The following SNX30 variants were observed in gnomAD, a reference collection of about 807,000 sequenced individuals.
SNX30 encodes sorting nexin-30.
Under a neutral mutation model 46.4 loss-of-function variants are expected in SNX30, and 24 were observed. That is an observed-to-expected ratio of 0.52 (90% CI 0.37 to 0.73). The LOEUF is 0.73. Among genes scored for constraint, SNX30 ranks in the 30% least tolerant of loss-of-function variants. SNX30 has a pLI of 0.00. For missense variants in SNX30, 533 were observed against 555.7 expected (o/e 0.96, Z 0.41); for synonymous variants, 189 against 211.5 (o/e 0.89, Z 0.92).
intron 7 of SNX30, among the ~76,000 whole-genome samples, chr9:112,861,394 T>A (rs1436025278): frequency 2.6e-5 from 4 of 152,202 alleles, no homozygotes; most frequent in Non-Finnish European, 5.9e-5. Flanking sequence ...CATATTAGCC[T>A]GTCTGGCCTC....
At chr9:112,790,134 C>T (rs1839996580) in intron 1 of SNX30, among the ~76,000 whole-genome samples, 1 of 152,120 alleles carries the variant, frequency 6.6e-6, no homozygotes, top group Admixed American at 6.5e-5. Flanking sequence ...ACTGAACTTC[C>T]TACTAATAAG....
chr9:112,885,279 C>T (rs1304563804), downstream of SNX30: 1 of 151,948 alleles, frequency 6.6e-6, no homozygotes, highest in Non-Finnish European at 1.5e-5. Context: ...TATCACTGTC[C>T]CCTTGAACAA....
intron 7 of SNX30, among the ~76,000 whole-genome samples, chr9:112,855,619 C>T (rs187153560): frequency 6.6e-6 from 1 of 152,038 alleles, no homozygotes; most frequent in Admixed American, 6.5e-5. Context: ...GGAAAGAGCA[C>T]GTGCTGAGGG....
chr9:112,815,739 A>T (rs564192870), intron 2 of SNX30, among the ~76,000 whole-genome samples: 4 of 152,332 alleles, frequency 2.6e-5, no homozygotes, highest in Admixed American at 1.3e-4. Flanking sequence ...AGTTGCTTTA[A>T]TTTGTCACCT....
chr9:112,780,847 T>A (rs763148813), intron 1 of SNX30, among the ~76,000 whole-genome samples: 1 of 152,212 alleles, frequency 6.6e-6, no homozygotes, highest in Non-Finnish European at 1.5e-5. Context: ...AACAAATGGA[T>A]ACGGTAATGT....
intron 2 of SNX30, among the ~76,000 whole-genome samples, chr9:112,815,359 CT>C (rs201531415): frequency 0.044 from 6,164 of 140,570 alleles, 197 homozygotes; most frequent in East Asian, 0.12. Context: ...AATAGTGTAA[CT>C]TTTTTTTTTT....
chr9:112,792,375 T>C (rs918348896), intron 1 of SNX30, among the ~76,000 whole-genome samples: 6 of 152,238 alleles, frequency 3.9e-5, no homozygotes, highest in Non-Finnish European at 1.5e-5. Flanking sequence ...CAATCATACA[T>C]AGACACAAGT....
chr9:112,854,325 T>G (rs1841084329), intron 7 of SNX30, among the ~76,000 whole-genome samples: 1 of 152,170 alleles, frequency 6.6e-6, no homozygotes, highest in African/African-American at 2.4e-5. Flanking sequence ...TCTGGGTGAT[T>G]CCTGTCCACT....
chr9:112,812,543 C>T (rs1042217896), intron 2 of SNX30, among the ~76,000 whole-genome samples: 3 of 152,144 alleles, frequency 2.0e-5, no homozygotes, highest in African/African-American at 7.2e-5. Context: ...TGTGAGCCAC[C>T]GTAGTGGACC....
chr9:112,820,779 TACAC>T (rs1283956441), intron 3 of SNX30, among the ~76,000 whole-genome samples: 1 of 152,248 alleles, frequency 6.6e-6, no homozygotes, highest in Non-Finnish European at 1.5e-5. Context: ...AGTGAAATGA[TACAC>T]AACGTGATTT....
intron 7 of SNX30, among the ~76,000 whole-genome samples, chr9:112,855,823 A>G (rs776514881): frequency 8.5e-5 from 13 of 152,124 alleles, no homozygotes; most frequent in South Asian, 4.1e-4. Context: ...AGCGACATGC[A>G]CTTACTTAGC....
At chr9:112,866,589 C>T in intron 8 of SNX30, 1 of 467,358 alleles carries the variant, frequency 2.1e-6, no homozygotes, top group Non-Finnish European at 4.4e-6. Context: ...AGTTTAGCTT[C>T]CTCTCTAACC....
At chr9:112,831,801 G>A (rs958491120) in intron 4 of SNX30, among the ~76,000 whole-genome samples, 2 of 152,204 alleles carry the variant, frequency 1.3e-5, no homozygotes, top group African/African-American at 4.8e-5. Flanking sequence ...CCTGTTGGCA[G>A]AACTGGCCAG....
chr9:112,834,881 C>CACCT, intron 4 of SNX30, among the ~76,000 whole-genome samples: 1 of 80,550 alleles, frequency 1.2e-5, no homozygotes, highest in South Asian at 4.5e-4. Flanking sequence ...CACACACACA[C>CACCT]ACCTACCTCA....
At chr9:112,810,714 T>G (rs545605612) in intron 2 of SNX30, among the ~76,000 whole-genome samples, 3 of 152,042 alleles carry the variant, frequency 2.0e-5, no homozygotes, top group African/African-American at 4.8e-5. Flanking sequence ...TCGAGGGCAC[T>G]TAGGTTGTGG....
intron 1 of SNX30, among the ~76,000 whole-genome samples, chr9:112,752,201 T>G (rs939430502): frequency 5.3e-5 from 8 of 152,190 alleles, no homozygotes; most frequent in African/African-American, 1.9e-4. Flanking sequence ...CTGCCCTCCT[T>G]GCAGTCAGAA....
intron 3 of SNX30, among the ~76,000 whole-genome samples, chr9:112,821,509 C>T (rs1426020454): frequency 1.3e-5 from 2 of 151,034 alleles, no homozygotes; most frequent in African/African-American, 2.4e-5. Context: ...TTTTTTGAGG[C>T]GGAGTCTCGC....
intron 1 of SNX30, among the ~76,000 whole-genome samples, chr9:112,772,753 A>G (rs766593049): frequency 2.0e-5 from 3 of 152,242 alleles, no homozygotes; most frequent in Non-Finnish European, 4.4e-5. Flanking sequence ...TGCATTTCAC[A>G]TAAACCAGTT....
chr9:112,823,843 T>C (rs1840541935), intron 3 of SNX30, among the ~76,000 whole-genome samples: 1 of 152,198 alleles, frequency 6.6e-6, no homozygotes, highest in African/African-American at 2.4e-5. Context: ...TATTGAAACA[T>C]TGGTTCAACT....
Sources: gnomAD v4.1 joint callset for allele counts (sites outside exome capture counted in the v4.1 genomes callset) on GRCh38, gnomAD v4.1.1 for gene constraint, MANE v1.5 for transcripts, NCBI Gene and HGNC (gene_info 2026-07-23, HGNC 2026-07-21) for gene names.